PPFIA1: variants seen among roughly 807,000 people sequenced by gnomAD.
The protein encoded by PPFIA1 is liprin-alpha-1.
PPFIA1 carries 25 observed loss-of-function variants against 149.9 expected under a neutral mutation model. The observed-to-expected ratio is 0.17, with a 90% CI of 0.12 to 0.23. The LOEUF (loss-of-function observed/expected upper bound fraction) is 0.23, where lower values mean the gene tolerates loss of function less well. Ranked by LOEUF, PPFIA1 falls within the 10% of genes least tolerant of loss-of-function variation. The pLI is 1.00. For missense variants in PPFIA1, 1,362 were observed against 1,506.5 expected (o/e 0.90, Z 1.59); for synonymous variants, 549 against 552.8 (o/e 0.99, Z 0.10).
chr11:70,276,879 T>C (rs1356370719), intron 2 of PPFIA1, among the ~76,000 whole-genome samples: 2 of 151,792 alleles, frequency 1.3e-5, no homozygotes. Context: ...TATCAGTAAT[T>C]CATATATTAT....
intron 4 of PPFIA1, 35 bp downstream of exon 4, chr11:70,325,046 A>G (rs2054177362): frequency 3.8e-6 from 6 of 1,564,720 alleles, no homozygotes; most frequent in South Asian, 1.2e-5. Context: ...GTTTGTGCAC[A>G]TGCTGTGTAT....
intron 2 of PPFIA1, 139 bp from the exon 3 acceptor site, chr11:70,324,263 T>G (rs1201601375): frequency 3.4e-6 from 2 of 587,666 alleles, no homozygotes; most frequent in Non-Finnish European, 6.0e-6. Flanking sequence ...TGATGCCCTC[T>G]TTCTCTGGAG....
intron 21 of PPFIA1, among the ~76,000 whole-genome samples, chr11:70,369,855 T>C (rs2057137320): frequency 6.6e-6 from 1 of 152,106 alleles, no homozygotes; most frequent in African/African-American, 2.4e-5. Context: ...CAGGCTGGTC[T>C]CAGACACCTG....
At chr11:70,379,923 C>T (rs1240191967) in intron 26 of PPFIA1, among the ~76,000 whole-genome samples, 2 of 152,176 alleles carry the variant, frequency 1.3e-5, no homozygotes, top group East Asian at 1.9e-4. Context: ...CATTTTTCTT[C>T]CAAGAGTCAT....
At chr11:70,304,978 C>A (rs1214063135) in intron 2 of PPFIA1, among the ~76,000 whole-genome samples, 2 of 152,154 alleles carry the variant, frequency 1.3e-5, no homozygotes, top group African/African-American at 4.8e-5. Context: ...CTCCTGTCAC[C>A]TGCATATATT....
chr11:70,345,521 C>T (rs1427847402), intron 15 of PPFIA1, among the ~76,000 whole-genome samples: 3 of 152,008 alleles, frequency 2.0e-5, no homozygotes, highest in African/African-American at 7.2e-5. Flanking sequence ...AGAGATGACT[C>T]CAAGCCTTTG....
chr11:70,306,290 G>T (rs1252784509), intron 2 of PPFIA1, among the ~76,000 whole-genome samples: 1 of 152,034 alleles, frequency 6.6e-6, no homozygotes, highest in Non-Finnish European at 1.5e-5. Flanking sequence ...GTGACAAGCA[G>T]TAAAACATTG....
intron 17 of PPFIA1, 67 bp from the exon 18 acceptor site, chr11:70,355,568 AGTTT>A: frequency 2.9e-6 from 4 of 1,383,344 alleles, no homozygotes; most frequent in Non-Finnish European, 3.9e-6. Flanking sequence ...CTTGTAGGGA[AGTTT>A]GCGACTGTTA....
At position 70,372,225 on chromosome 11, in the gene PPFIA1, A is replaced by G. The variant is rs773387801; in HGVS notation, c.2876A>G (p.Tyr959Cys). Reference protein sequence around the residue: ...APPTSRTTLAYGDMNHEWIGN... With the variant: ...APPTSRTTLACGDMNHEWIGN... ...ATTTATGAAAAGCAGACACTCGCCT[A>G]TGGGGACATGAACCACGAGTGGATC... The change falls in exon 22 of 28, where the codon TAT becomes TGT. Residue 959 changes from tyrosine to cysteine, a missense_variant. Coordinates refer to ENST00000253925, the MANE Select transcript of PPFIA1 (RefSeq NM_003626.5). 5.4e-5 allele frequency: 87 copies of G among 1,613,070 alleles called. No homozygotes were observed. The highest frequency in any genetic ancestry group is 5.2e-4 in the Admixed American group (31 of 59,704).
At chr11:70,288,394 C>G (rs555421444) in intron 2 of PPFIA1, among the ~76,000 whole-genome samples, 2 of 152,062 alleles carry the variant, frequency 1.3e-5, no homozygotes, top group East Asian at 3.9e-4. Flanking sequence ...TGTATCCCTT[C>G]GAGGCTCACA....
intron 2 of PPFIA1, among the ~76,000 whole-genome samples, chr11:70,277,634 G>A (rs370981982): frequency 6.6e-6 from 1 of 152,152 alleles, no homozygotes; most frequent in East Asian, 1.9e-4. Flanking sequence ...GGGACTATAG[G>A]CATATGCCAC....
intron 16 of PPFIA1, among the ~76,000 whole-genome samples, chr11:70,353,572 A>G (rs1344081745): frequency 6.6e-6 from 1 of 152,220 alleles, no homozygotes; most frequent in African/African-American, 2.4e-5. Context: ...CCCTCAGCAC[A>G]TGGGCGTATT....
rs2055485135 is a variant in PPFIA1, at chr11:70,343,536, C to A, written c.1708-133C>A. On this transcript the variant is annotated intron_variant, in intron 14 of 27. Coordinates refer to ENST00000253925, the MANE Select transcript of PPFIA1 (RefSeq NM_003626.5). ...AAATACTGCCTGCTTCATGTCAGTACCTTATAAGCATGGCCCATCTTTCTA... is the reference window on the plus strand; with the variant it reads ...AAATACTGCCTGCTTCATGTCAGTAACTTATAAGCATGGCCCATCTTTCTA... 64 of 756,814 alleles carry A rather than the reference C, an allele frequency of 8.5e-5. No homozygotes were observed. In the South Asian group the frequency reaches 1.1e-3, roughly 13 times the overall value. 46.9% of individuals were successfully genotyped at this position (756,814 alleles called of 1,614,324 possible).
At chr11:70,277,056 AT>A in intron 2 of PPFIA1, among the ~76,000 whole-genome samples, 1 of 31,602 alleles carries the variant, frequency 3.2e-5, no homozygotes, top group Non-Finnish European at 5.8e-5. Flanking sequence ...ATATATATAT[AT>A]ATATTTTTTT....
intron 2 of PPFIA1, among the ~76,000 whole-genome samples, chr11:70,318,185 G>A (rs1458391640): frequency 6.6e-6 from 1 of 152,176 alleles, no homozygotes; most frequent in African/African-American, 2.4e-5. Flanking sequence ...CTTCTACGCG[G>A]CATGCTGCCT....
intron 2 of PPFIA1, among the ~76,000 whole-genome samples, chr11:70,276,520 C>G (rs2050389577): frequency 6.6e-6 from 1 of 151,996 alleles, no homozygotes; most frequent in African/African-American, 2.4e-5. Context: ...GATTTGGTAT[C>G]AAGGTTATGC....
chr11:70,286,566 G>A (rs1387048532), intron 2 of PPFIA1, among the ~76,000 whole-genome samples: 4 of 151,440 alleles, frequency 2.6e-5, no homozygotes, highest in Admixed American at 6.6e-5. Flanking sequence ...TCTTTTCTGC[G>A]CTAACCTTAT....
At chr11:70,298,190 C>T (rs1326300229) in intron 2 of PPFIA1, among the ~76,000 whole-genome samples, 1 of 152,178 alleles carries the variant, frequency 6.6e-6, no homozygotes, top group African/African-American at 2.4e-5. Flanking sequence ...TACTTTTATT[C>T]CTGTTCCTGA....
intron 14 of PPFIA1, 125 bp downstream of exon 14, chr11:70,339,431 A>G (rs998981319): frequency 1.4e-5 from 16 of 1,132,928 alleles, no homozygotes; most frequent in African/African-American, 3.2e-5. Flanking sequence ...CTCATTTTCT[A>G]TTTTCTGACT....
Sources: gnomAD v4.1 joint callset for allele counts (sites outside exome capture counted in the v4.1 genomes callset) on GRCh38, gnomAD v4.1.1 for gene constraint, MANE v1.5 for transcripts, NCBI Gene and HGNC (gene_info 2026-07-23, HGNC 2026-07-21) for gene names.